SHC1: variants seen among roughly 807,000 people sequenced by gnomAD.
SHC1 encodes SHC-transforming protein 1.
Under a neutral mutation model 55.9 loss-of-function variants are expected in SHC1, and 30 were observed. That is an observed-to-expected ratio of 0.54 (90% CI 0.40 to 0.73). The LOEUF (loss-of-function observed/expected upper bound fraction) is 0.73. SHC1 is among the 30% of genes least tolerant of loss of function. The pLI is 0.00. For synonymous variants in SHC1, 309 were observed against 306.1 expected (o/e 1.01, Z -0.10); for missense variants, 675 against 777.1 (o/e 0.87, Z 1.56).
chr1:154,968,424 T>C, intron 4 of SHC1, 71 bp downstream of exon 4: 1 of 1,601,684 alleles, frequency 6.2e-7, no homozygotes, highest in Non-Finnish European at 8.5e-7. Flanking sequence ...TCCTAGATTT[T>C]GGCCTCCTAA....
upstream of SHC1, chr1:154,973,622 A>T (rs1449539733): frequency 6.6e-6 from 1 of 151,814 alleles, no homozygotes; most frequent in Non-Finnish European, 1.5e-5. Context: ...CTGGGGGAGC[A>T]CGAGAGTGCT....
upstream of SHC1, chr1:154,974,105 C>G (rs975291048): frequency 6.5e-6 from 1 of 153,320 alleles, no homozygotes; most frequent in East Asian, 1.9e-4. Context: ...TTCGGGGGAG[C>G]CCCCTGAAGT....
rs1174079181 is a variant in SHC1 at position 154,963,160 on chromosome 1, G to C, written c.*643C>G. The C allele has an allele frequency of 6.5e-6, 1 of 153,118 alleles. No individual in the cohort carries two copies. The highest frequency in any genetic ancestry group is 1.5e-5 in the Non-Finnish European group (1 of 68,370). 9.5% of individuals were successfully genotyped at this position (153,118 alleles called of 1,614,324 possible). A position where few individuals can be genotyped will look rare whatever the true frequency, so the allele number is the denominator to read the frequency against. ...CCATCTCCCGCCTGGCCGGGAGTGG[G>C]GCTCTGGGGCAATCTCTAAGGGTTG... On this transcript the variant is annotated 3_prime_UTR_variant, in exon 12 of 12. Transcript: ENST00000448116.
rs1348223999 is a variant in SHC1 at position 154,966,145 on chromosome 1, C to G, written c.1252+17G>C. On this transcript the variant is annotated intron_variant, in intron 9 of 11. Coordinates refer to ENST00000448116, the MANE Select transcript of SHC1 (RefSeq NM_001130040.2). Reference sequence around the variant, plus strand: ...TCCAACACTCCCCAGCTCTGCCTATCTCGGCTCCCTTCATACCTGGACAGG... The same window carrying G: ...TCCAACACTCCCCAGCTCTGCCTATGTCGGCTCCCTTCATACCTGGACAGG... The G allele has an allele frequency of 1.9e-6, 3 of 1,614,050 alleles. No homozygotes were observed. In the African/African-American group the frequency reaches 4.0e-5, roughly 22 times the overall value.
At chr1:154,974,054 C>T (rs541745997), upstream of SHC1, among the ~76,000 whole-genome samples, 512 of 151,566 alleles carry the variant, frequency 3.4e-3, 1 homozygote, top group Non-Finnish European at 4.3e-3. Context: ...AACTGGGCGA[C>T]AGGGTGGGGT....
At chr1:154,973,429 T>G (rs1480509630), upstream of SHC1, 1 of 148,992 alleles carries the variant, frequency 6.7e-6, no homozygotes, top group Non-Finnish European at 1.5e-5. Context: ...GAGAATCACT[T>G]GAACTCAGGA....
At position 154,969,555 on chromosome 1, in the gene SHC1, G is replaced by A. The variant is rs41306219; in HGVS notation, c.496-107C>T. On this transcript the variant is annotated intron_variant, in intron 1 of 11. Coordinates refer to ENST00000448116, the MANE Select transcript of SHC1 (RefSeq NM_001130040.2). ...TATGGTCCCTAAGGGAAGTAAAGAG[G>A]AAGAAGTTCTGCCCACTTCCCGTGG... is the stretch of plus-strand genomic sequence containing the variant. 3.2e-3 allele frequency: 2,327 copies of A among 730,110 alleles called. 14 individuals are homozygous for A. Among genetic ancestry groups the A allele is most frequent in the Middle Eastern group, 0.022 (92 of 4,262 alleles). The allele number at this position is 730,110 out of a possible 1,614,324, so 45.2% of individuals were successfully genotyped here. A position where few individuals can be genotyped will look rare whatever the true frequency, so the allele number is the denominator to read the frequency against.
chr1:154,966,046 G>A lies in SHC1; in HGVS notation c.1287C>T (p.Val429=). Residue 429 remains valine (V), a synonymous_variant, in exon 10 of 12, where the codon GTC becomes GTT. Coordinates refer to ENST00000448116, the MANE Select transcript of SHC1 (RefSeq NM_001130040.2). The stretch of plus-strand genomic sequence containing the variant: ...GGGCCTTGTCTAGGTTCTGGACGTT[G>A]ACATAGGAGGGATCATCAAAAAGCT... ...GRELFDDPSY[V]NVQNLDKARQ... 6.2e-7 allele frequency: 1 copy of A among 1,614,052 alleles called. No homozygotes were observed. The highest frequency in any genetic ancestry group is 8.5e-7 in the Non-Finnish European group (1 of 1,179,988).
upstream of SHC1, among the ~76,000 whole-genome samples, chr1:154,973,837 G>A (rs959402996): frequency 3.3e-5 from 5 of 152,198 alleles, no homozygotes; most frequent in Non-Finnish European, 5.9e-5. Context: ...GGATTACGGA[G>A]GGGGCGTGGC....
At chr1:154,964,310 C>T (rs1257741800) in intron 11 of SHC1, 6 of 469,674 alleles carry the variant, frequency 1.3e-5, no homozygotes, top group African/African-American at 2.0e-5. Flanking sequence ...CCGAGGGAGG[C>T]GGATCACTTG....
chr1:154,970,923 C>G (rs928450634), upstream of SHC1, among the ~76,000 whole-genome samples: 6 of 152,096 alleles, frequency 3.9e-5, no homozygotes, highest in Non-Finnish European at 7.4e-5. This position sits in a 1 kb window ranked among gnomAD's most constrained non-coding sequence, Gnocchi z 5.5. Context: ...AGCCCCTCTC[C>G]CCTGCCCTAT....
rs200867779 is a variant in SHC1 at position 154,966,310 on chromosome 1, G to A, written c.1182+9C>T. ...CTAGCCCCAGCCCGCCTCCATCCAA[G>A]CAACTTACCAATGTAGCTCCCAAGT... On this transcript the variant is annotated intron_variant, in intron 8 of 11. Coordinates refer to ENST00000448116, the MANE Select transcript of SHC1 (RefSeq NM_001130040.2). 7.9e-5 allele frequency: 127 copies of A among 1,613,122 alleles called. No homozygotes were observed. Among genetic ancestry groups the A allele is most frequent in the East Asian group, 7.6e-4 (34 of 44,846 alleles).
Position 154,968,613 on chromosome 1 carries a change from G to A in SHC1, c.632C>T (p.Pro211Leu), listed in dbSNP as rs757454861. 2.5e-6 allele frequency: 4 copies of A among 1,614,070 alleles called. No individual in the cohort carries two copies. The highest frequency in any genetic ancestry group is 3.3e-5 in the Admixed American group (2 of 60,008). ...GAKGATRRRKPCSRPLSSILG... is the reference protein window; with the variant it reads ...GAKGATRRRKLCSRPLSSILG... ...GATAGAGCTGAGCGGGCGGCTACAG[G>A]GCTAAGGTAGGGCCCAGGGTCTCAG... The change falls in exon 4 of 12, where the codon CCC becomes CTC. Residue 211 changes from proline to leucine, a missense_variant and splice_region_variant. Physicochemically the swap from Pro to Leu is moderately conservative, Grantham distance 98 (BLOSUM62 -3). Transcript: ENST00000448116.
intron 11 of SHC1, 143 bp from the exon 12 acceptor site, chr1:154,964,074 G>C: frequency 1.2e-6 from 1 of 845,792 alleles, no homozygotes; most frequent in Non-Finnish European, 2.1e-6. Flanking sequence ...TGTCAATCCT[G>C]ATCATTGAGG....
At chr1:154,968,681 C>T (rs1281489333) in intron 3 of SHC1, 67 bp from the exon 4 acceptor site, 2 of 1,611,090 alleles carry the variant, frequency 1.2e-6, no homozygotes, top group African/African-American at 1.3e-5. Flanking sequence ...CTTTTGCCTC[C>T]TGGCCCTCTC....
intron 10 of SHC1, 75 bp from the exon 11 acceptor site, chr1:154,965,856 A>G (rs1373266111): frequency 6.4e-7 from 1 of 1,573,674 alleles, no homozygotes; most frequent in African/African-American, 1.4e-5. Context: ...CAGGGAAGGG[A>G]AGTCAGGAAG....
At chr1:154,966,805 T>TAAA (rs1656043728) in intron 7 of SHC1, among the ~76,000 whole-genome samples, 1 of 152,212 alleles carries the variant, frequency 6.6e-6, no homozygotes, top group South Asian at 2.1e-4. Context: ...GGTTTGACTT[T>TAAA]AAAGCTCATC....
At chr1:154,971,043 C>T (rs1156229551), upstream of SHC1, among the ~76,000 whole-genome samples, 1 of 152,040 alleles carries the variant, frequency 6.6e-6, no homozygotes, top group Non-Finnish European at 1.5e-5. Context: ...AAACCGGACA[C>T]ACGCAGGCCA....
In SHC1 at chr1:154,970,002, G is replaced by A. The variant is rs3753644; in HGVS notation, c.495+30C>T. On this transcript the variant is annotated intron_variant, in intron 1 of 11. Coordinates refer to ENST00000448116, the MANE Select transcript of SHC1 (RefSeq NM_001130040.2). This position sits in a 1 kb window ranked among gnomAD's most constrained non-coding sequence, Gnocchi z 5.5. ...AGCATTAGAACTGGAGGGGGTCTGC[G>A]GGGGAATGGAGAGGAGGATGTTCAC... 844 of 1,611,690 alleles carry A rather than the reference G, an allele frequency of 5.2e-4. 3 individuals are homozygous for A. The East Asian group carries it at 0.016, about 31-fold the overall frequency.
Sources: gnomAD v4.1 joint callset for allele counts (sites outside exome capture counted in the v4.1 genomes callset) on GRCh38, gnomAD v4.1.1 for gene constraint, Gnocchi (gnomAD v3.1) non-coding constraint, MANE v1.5 for transcripts, NCBI Gene and HGNC (gene_info 2026-07-23, HGNC 2026-07-21) for gene names.